FSHR: variants seen among roughly 807,000 people sequenced by gnomAD.
FSHR encodes follicle-stimulating hormone receptor.
Under a neutral mutation model 52.1 loss-of-function variants are expected in FSHR, and 46 were observed. That is an observed-to-expected ratio of 0.88 (90% CI 0.70 to 1.13). The LOEUF (loss-of-function observed/expected upper bound fraction) is 1.13, where lower values mean the gene tolerates loss of function less well. Among genes scored for constraint, FSHR ranks in the 50% most tolerant of loss-of-function variants. The pLI is 0.00. For synonymous variants in FSHR, 399 were observed against 309.6 expected (o/e 1.29, Z -3.03); for missense variants, 964 against 834.6 (o/e 1.16, Z -1.91).
intron 1 of FSHR, among the ~76,000 whole-genome samples, chr2:49,125,991 C>G (rs572027802): frequency 6.6e-6 from 1 of 152,116 alleles, no homozygotes; most frequent in Admixed American, 6.5e-5. Flanking sequence ...CTCCTGCTGC[C>G]GCTTAATCAT....
chr2:48,963,414 A>T lies in FSHR; in HGVS notation c.1407T>A (p.His469Gln). ...CCAGCTGCATGGCATGCGTGATGGT[A>T]TGCCATCTTTCCAAGGTGATAGCTG... is the stretch of plus-strand genomic sequence containing the variant. The part of the protein sequence containing the change: ...TLTAITLERW[H>Q]TITHAMQLDC... Residue 469 changes from histidine to glutamine, a missense_variant, in exon 10 of 10, where the codon CAT becomes CAA. Coordinates refer to ENST00000406846, the MANE Select transcript of FSHR (RefSeq NM_000145.4). The T allele has an allele frequency of 6.2e-7, 1 of 1,614,144 alleles. No homozygotes were observed. Among genetic ancestry groups the T allele is most frequent in the Non-Finnish European group, 8.5e-7 (1 of 1,179,998 alleles).
intron 2 of FSHR, among the ~76,000 whole-genome samples, chr2:49,027,680 T>G (rs1667954639): frequency 6.6e-6 from 1 of 152,018 alleles, no homozygotes; most frequent in South Asian, 2.1e-4. Flanking sequence ...CAAAACACCA[T>G]CTCTACTAAA....
At chr2:49,041,628 T>C (rs1396300192) in intron 2 of FSHR, among the ~76,000 whole-genome samples, 1 of 152,050 alleles carries the variant, frequency 6.6e-6, no homozygotes, top group African/African-American at 2.4e-5. Context: ...CCAAGATAGG[T>C]CTTGGGTCTT....
At chr2:48,983,218 A>T (rs1209450988) in intron 6 of FSHR, 52 bp from the exon 7 acceptor site, 1 of 1,538,688 alleles carries the variant, frequency 6.5e-7, no homozygotes, top group Non-Finnish European at 9.0e-7. Context: ...CAAACAATAC[A>T]CGGGTTTCAT....
chr2:49,119,535 T>G (rs1043916697), intron 1 of FSHR, among the ~76,000 whole-genome samples: 1 of 152,196 alleles, frequency 6.6e-6, no homozygotes, highest in Non-Finnish European at 1.5e-5. Context: ...CTTTCCTTTT[T>G]TGCAATGGCG....
chr2:49,039,411 T>C (rs1352435929), intron 2 of FSHR, among the ~76,000 whole-genome samples: 1 of 152,234 alleles, frequency 6.6e-6, no homozygotes, highest in African/African-American at 2.4e-5. Flanking sequence ...CTCCACCTGC[T>C]GCACTGTCTA....
chr2:49,032,817 A>T (rs1668145889), intron 2 of FSHR, among the ~76,000 whole-genome samples: 1 of 152,152 alleles, frequency 6.6e-6, no homozygotes, highest in African/African-American at 2.4e-5. Context: ...TCCTATCCCC[A>T]ATTTTCAGCT....
chr2:49,058,485 G>T (rs1363084248), intron 2 of FSHR, among the ~76,000 whole-genome samples: 1 of 152,100 alleles, frequency 6.6e-6, no homozygotes, highest in Non-Finnish European at 1.5e-5. Context: ...GGCAGAGGTT[G>T]CAGTGAGCAG....
At chr2:49,037,813 T>G (rs1307913907) in intron 2 of FSHR, among the ~76,000 whole-genome samples, 1 of 152,018 alleles carries the variant, frequency 6.6e-6, no homozygotes, top group Non-Finnish European at 1.5e-5. Flanking sequence ...AATTCCAACA[T>G]AGTCCTAACA....
intron 2 of FSHR, among the ~76,000 whole-genome samples, chr2:49,043,179 G>A (rs912217377): frequency 2.0e-5 from 3 of 150,920 alleles, no homozygotes; most frequent in African/African-American, 7.3e-5. Context: ...AAATTTTACT[G>A]TATCCTCTTC....
At chr2:48,991,415 T>G (rs1342416492) in intron 4 of FSHR, among the ~76,000 whole-genome samples, 2 of 151,432 alleles carry the variant, frequency 1.3e-5, no homozygotes, top group East Asian at 3.9e-4. Context: ...ATTTAAAAAA[T>G]TGGTCCTCAG....
At chr2:48,987,855 C>T (rs1479331687) in intron 6 of FSHR, among the ~76,000 whole-genome samples, 1 of 151,804 alleles carries the variant, frequency 6.6e-6, no homozygotes, top group African/African-American at 2.4e-5. Flanking sequence ...CACACACACA[C>T]ACACACACAC....
chr2:49,150,409 A>G (rs1673020236), intron 1 of FSHR, among the ~76,000 whole-genome samples: 1 of 152,094 alleles, frequency 6.6e-6, no homozygotes, highest in Non-Finnish European at 1.5e-5. Flanking sequence ...TCCTCACGAA[A>G]GCCCTCTGTG....
intron 4 of FSHR, among the ~76,000 whole-genome samples, chr2:49,014,007 T>C (rs1359847981): frequency 6.6e-6 from 1 of 152,006 alleles, no homozygotes; most frequent in African/African-American, 2.4e-5. Flanking sequence ...AATGGGAAGA[T>C]GGCTGTCTGT....
chr2:49,117,246 A>G (rs1671635617), intron 1 of FSHR, among the ~76,000 whole-genome samples: 1 of 152,174 alleles, frequency 6.6e-6, no homozygotes, highest in African/African-American at 2.4e-5. Flanking sequence ...TCTCAGCTGC[A>G]CTTTCCAAAT....
rs907236601 is a variant in FSHR, at chr2:49,074,531, A to T, written c.153-6241T>A. On this transcript the variant is annotated intron_variant, in intron 1 of 9. Transcript: ENST00000406846. ...AACAAAATAACAAATGTTGGTGAGGATGAAGAGAAAAGGGAACACATAAAT... is the reference window on the plus strand; with the variant it reads ...AACAAAATAACAAATGTTGGTGAGGTTGAAGAGAAAAGGGAACACATAAAT... Among the ~76,000 whole-genome samples the T allele has an allele frequency of 7.9e-5, 12 of 152,136 alleles. 1 individual carries two copies. The highest frequency in any genetic ancestry group is 7.2e-4 in the Admixed American group (11 of 15,266).
chr2:48,987,966 CTTTGA>C (rs1012480780), intron 6 of FSHR, among the ~76,000 whole-genome samples: 4 of 152,072 alleles, frequency 2.6e-5, no homozygotes, highest in Non-Finnish European at 1.5e-5. Flanking sequence ...GAATACATTC[CTTTGA>C]TTTAATTTTA....
chr2:49,104,865 G>T (rs572869774), intron 1 of FSHR, among the ~76,000 whole-genome samples: 30 of 148,566 alleles, frequency 2.0e-4, no homozygotes, highest in Middle Eastern at 3.4e-3. Flanking sequence ...ATGGGGGGAG[G>T]GGGGGCGGGC....
At chr2:49,002,735 T>TC (rs138630937) in intron 4 of FSHR, among the ~76,000 whole-genome samples, 2,113 of 151,948 alleles carry the variant, frequency 0.014, 48 homozygotes, top group African/African-American at 0.049. Context: ...CAGGATGATA[T>TC]TTGGGTGGGG....
Sources: gnomAD v4.1 joint callset for allele counts (sites outside exome capture counted in the v4.1 genomes callset) on GRCh38, gnomAD v4.1.1 for gene constraint, MANE v1.5 for transcripts, NCBI Gene and HGNC (gene_info 2026-07-23, HGNC 2026-07-21) for gene names.